Variants in MYH9 observed in about 807,000 individuals in gnomAD.
MYH9 encodes the protein myosin-9.
A neutral mutation model predicts 241.9 loss-of-function variants in MYH9; 29 were observed. The observed-to-expected ratio is 0.12, with a 90% CI of 0.09 to 0.16. MYH9 has a LOEUF of 0.16. Among genes scored for constraint, MYH9 ranks in the 10% least tolerant of loss-of-function variants. The probability of loss-of-function intolerance (pLI) is 1.00; values close to 1 mark genes in which losing one functional copy is unlikely to be tolerated. For missense variants in MYH9, 1,803 were observed against 2,595.5 expected, an observed-to-expected ratio of 0.69 and a Z score of 6.63; for synonymous variants, 1,047 against 1,062.6, an observed-to-expected ratio of 0.99 and a Z score of 0.29.
At chr22:36,366,306 G>A (rs2018008841) in intron 1 of MYH9, among the ~76,000 whole-genome samples, 1 of 152,018 alleles carries the variant, frequency 6.6e-6, no homozygotes. Flanking sequence ...CTAGGAAGGA[G>A]AGGAACGATC....
Position 36,293,828 on chromosome 22 carries a change from C to T in MYH9, c.3873G>A (p.Gln1291=), listed in dbSNP as rs2016745082. 6.2e-7 allele frequency: 1 copy of T among 1,613,900 alleles called. No homozygotes were observed. The highest frequency in any genetic ancestry group is 8.5e-7 in the Non-Finnish European group (1 of 1,179,984). The change falls in exon 29 of 41, where the codon CAG becomes CAA. Residue 1291 remains glutamine (Q), a synonymous_variant. Transcript: ENST00000216181. The surrounding 1 kb of genome is among the most constrained non-coding windows in gnomAD (Gnocchi z 5.1). ...TGAGCTTGCTGGACTTGCTGTCGGA[C>T]TGGCTGAGAAGCCCGGTCACGTTGT... The part of the protein sequence containing the change: ...ELDNVTGLLS[Q]SDSKSSKLTK...
intron 1 of MYH9, among the ~76,000 whole-genome samples, chr22:36,350,623 C>T (rs567165965): frequency 6.6e-6 from 1 of 152,322 alleles, no homozygotes; most frequent in South Asian, 2.1e-4. Context: ...TTCGCTATCT[C>T]GAAAGGTCTT....
Position 36,320,500 on chromosome 22 carries a change from G to C in MYH9, c.869-137C>G. The C allele has an allele frequency of 1.8e-6, 2 of 1,136,630 alleles. No individual in the cohort carries two copies. Among genetic ancestry groups the C allele is most frequent in the South Asian group, 1.3e-5 (1 of 78,754 alleles). The allele number at this position is 1,136,630 out of a possible 1,614,324, so 70.4% of individuals were successfully genotyped here. ...CACCCTGGAAACCGCAGAGTAGCCA[G>C]TGACGTTCAGCTTTCCTCAGTGTCT... On this transcript the variant is annotated intron_variant, in intron 8 of 40. Transcript: ENST00000216181. This position sits in a 1 kb window ranked among gnomAD's most constrained non-coding sequence, Gnocchi z 4.8.
At chr22:36,289,360 G>C in intron 31 of MYH9, 63 bp from the exon 32 acceptor site, 1 of 1,492,276 alleles carries the variant, frequency 6.7e-7, no homozygotes, top group East Asian at 2.4e-5. Flanking sequence ...AGGGCAGCTG[G>C]GCCTAAGCTC....
chr22:36,336,101 T>C (rs1234741227), intron 3 of MYH9, among the ~76,000 whole-genome samples: 1 of 152,200 alleles, frequency 6.6e-6, no homozygotes, highest in Non-Finnish European at 1.5e-5. Context: ...CAGACAAGTT[T>C]AGGCCTAGAA....
intron 14 of MYH9, among the ~76,000 whole-genome samples, chr22:36,309,674 C>T (rs979722797): frequency 1.3e-5 from 2 of 152,208 alleles, no homozygotes; most frequent in Admixed American, 6.5e-5. Flanking sequence ...CCACACAGTA[C>T]CGTGCTGGGT....
chr22:36,367,625 G>C (rs1603484440), intron 1 of MYH9, among the ~76,000 whole-genome samples: 1 of 152,210 alleles, frequency 6.6e-6, no homozygotes, highest in African/African-American at 2.4e-5. Context: ...CAGTGTCCTT[G>C]AGCAGGCAGC....
Position 36,319,609 on chromosome 22 carries a change from G to C in MYH9, c.1039C>G (p.Leu347Val), listed in dbSNP as rs1044816218. ...MGLLRVISGV[L>V]QLGNIVFKKE... Reference sequence around the variant, plus strand: ...TTGAAGACGATGTTGCCGAGCTGAAGAACCCCTGAGATGACCCGCAGCAGG... The same window carrying C: ...TTGAAGACGATGTTGCCGAGCTGAACAACCCCTGAGATGACCCGCAGCAGG... Residue 347 changes from leucine (L) to valine (V), a missense_variant, in exon 10 of 41, where the codon CTT (leucine) becomes GTT (valine). Transcript: ENST00000216181. The C allele has an allele frequency of 6.2e-7, 1 of 1,614,006 alleles. No homozygotes were observed. The highest frequency in any genetic ancestry group is 1.3e-5 in the African/African-American group (1 of 74,896).
chr22:36,341,229 G>A (rs2017583541), intron 3 of MYH9, 141 bp downstream of exon 3: 1 of 1,015,690 alleles, frequency 9.8e-7, no homozygotes, highest in Admixed American at 1.9e-5. Flanking sequence ...TCATACAGAG[G>A]TCTACAGACC....
At chr22:36,383,521 C>T (rs1246032874) in intron 1 of MYH9, among the ~76,000 whole-genome samples, 1 of 152,188 alleles carries the variant, frequency 6.6e-6, no homozygotes, top group African/African-American at 2.4e-5. Context: ...TCCACAACCA[C>T]AATACACGCA....
At chr22:36,368,410 T>C (rs758585612) in intron 1 of MYH9, among the ~76,000 whole-genome samples, 10 of 152,166 alleles carry the variant, frequency 6.6e-5, no homozygotes, top group Non-Finnish European at 1.2e-4. Flanking sequence ...CTCCAGGTCT[T>C]CCATCCCTAA....
intron 15 of MYH9, chr22:36,308,683 G>C (rs373371797): frequency 5.3e-6 from 2 of 377,316 alleles, no homozygotes; most frequent in Admixed American, 6.9e-5. Flanking sequence ...ATCAGGGAAC[G>C]GGGGTGTAAG....
At chr22:36,301,137 C>T (rs1036084080) in intron 21 of MYH9, 80 bp from the exon 22 acceptor site, 63 of 1,391,636 alleles carry the variant, frequency 4.5e-5, no homozygotes, top group Non-Finnish European at 5.6e-5. Context: ...CGCCATGGCT[C>T]GGGATCCCAG....
At chr22:36,373,988 G>A (rs1484429703) in intron 1 of MYH9, among the ~76,000 whole-genome samples, 2 of 151,628 alleles carry the variant, frequency 1.3e-5, no homozygotes, top group African/African-American at 2.4e-5. Flanking sequence ...CGGTGGATGA[G>A]GTGCAGGGCA....
chr22:36,341,579 G>T, intron 2 of MYH9, 53 bp from the exon 3 acceptor site: 1 of 1,597,546 alleles, frequency 6.3e-7, no homozygotes. Context: ...ATTCTCAGTA[G>T]TGTACAAACT....
Position 36,327,561 on chromosome 22 carries a change from C to T in MYH9, c.491-73G>A, listed in dbSNP as rs1341476593. 6 of 1,564,912 alleles carry T rather than the reference C, an allele frequency of 3.8e-6. No homozygotes were observed. The African/African-American group carries it at 4.1e-5, about 11-fold the overall frequency. On this transcript the variant is annotated intron_variant, in intron 3 of 40. Transcript: ENST00000216181. ...TCCCCACCTTGCTCCCAAAGAGCTG[C>T]CCGTTTCCCAGACAGGGAGCACAGT...
chr22:36,321,835 G>C lies in MYH9; in HGVS notation c.706-14C>G, dbSNP rs756325709. ...AATGAATTTGCCCTAAGTAAGAAAGGATAGCAAGAGATCAGAGGTGCCCCT... is the reference window on the plus strand; with the variant it reads ...AATGAATTTGCCCTAAGTAAGAAAGCATAGCAAGAGATCAGAGGTGCCCCT... On this transcript the variant is annotated splice_polypyrimidine_tract_variant and intron_variant, in intron 6 of 40. Coordinates refer to ENST00000216181, the MANE Select transcript of MYH9 (RefSeq NM_002473.6). 3.1e-6 allele frequency: 5 copies of C among 1,611,928 alleles called. No homozygotes were observed. Among genetic ancestry groups the C allele is most frequent in the Non-Finnish European group, 4.2e-6 (5 of 1,178,042 alleles).
intron 23 of MYH9, 112 bp from the exon 24 acceptor site, chr22:36,299,154 C>T (rs1056864800): frequency 1.4e-5 from 20 of 1,397,996 alleles, no homozygotes; most frequent in Non-Finnish European, 1.8e-5. Flanking sequence ...GGGCTTTAGA[C>T]GCTTGATCAA....
chr22:36,378,582 T>C (rs1290080830), intron 1 of MYH9, among the ~76,000 whole-genome samples: 1 of 152,148 alleles, frequency 6.6e-6, no homozygotes, highest in Non-Finnish European at 1.5e-5. Flanking sequence ...TGGCCCACCC[T>C]GCTGCCTGGC....
Sources: allele counts gnomAD v4.1 joint callset (sites outside exome capture counted in the v4.1 genomes callset), GRCh38; gene constraint gnomAD v4.1.1; non-coding constraint Gnocchi (gnomAD v3.1); transcripts MANE v1.5; gene names NCBI Gene and HGNC (gene_info 2026-07-23, HGNC 2026-07-21).